The following LARGE1 variants were observed in gnomAD, a reference collection of about 807,000 sequenced individuals.
LARGE1 encodes the protein LARGE xylosyl- and glucuronyltransferase 1, also known as xylosyl- and glucuronyltransferase LARGE1.
Under a neutral mutation model 87.6 loss-of-function variants are expected in LARGE1, and 43 were observed. The ratio of observed to expected loss-of-function variants is 0.49; its 90% confidence interval spans 0.38 to 0.63. LARGE1 has a LOEUF of 0.63. Ranked by LOEUF, LARGE1 falls within the 30% of genes least tolerant of loss-of-function variation. LARGE1 has a pLI of 0.00. For synonymous variants in LARGE1, 434 were observed against 394.6 expected, an observed-to-expected ratio of 1.10 and a Z score of -1.18; for missense variants, 802 against 1,000.2, an observed-to-expected ratio of 0.80 and a Z score of 2.67.
At chr22:33,537,813 C>T (rs1267145101) in intron 6 of LARGE1, among the ~76,000 whole-genome samples, 1 of 152,082 alleles carries the variant, frequency 6.6e-6, no homozygotes, top group African/African-American at 2.4e-5. Flanking sequence ...CCTCGTGATC[C>T]ACCCGCCTCG....
intron 1 of LARGE1, among the ~76,000 whole-genome samples, chr22:33,780,988 A>G (rs1205632387): frequency 6.6e-6 from 1 of 152,264 alleles, no homozygotes; most frequent in Non-Finnish European, 1.5e-5. Flanking sequence ...GCGATAGCGC[A>G]CAAAGCTGCC....
chr22:33,119,243 G>T, the LARGE1 span, among the ~76,000 whole-genome samples: 1 of 152,190 alleles, frequency 6.6e-6, no homozygotes, highest in South Asian at 2.1e-4. Flanking sequence ...GTGAAGGAAG[G>T]TCCGTTATGA....
rs1483753195 is a variant in LARGE1 at position 33,484,910 on chromosome 22, GGTT to G, written c.788-52648_788-52646del. On this transcript the variant is annotated intron_variant, in intron 6 of 14. Transcript: ENST00000397394. ...ACTCACCCAAAGTAAATAATGAGGTGGTTTTTTTTTTTTTTTTTTGAGACAGAG... is the reference window on the plus strand; with the variant it reads ...ACTCACCCAAAGTAAATAATGAGGTGTTTTTTTTTTTTTTTTGAGACAGAG... Among the ~76,000 whole-genome samples, 439 of 145,578 alleles carry G rather than the reference GGTT, an allele frequency of 3.0e-3. 3 individuals carry two copies. Among genetic ancestry groups the G allele is most frequent in the South Asian group, 0.021 (98 of 4,732 alleles).
rs146331030 is a variant in LARGE1 at position 33,792,254 on chromosome 22, A to G, written c.-82-30696T>C. On this transcript the variant is annotated intron_variant, in intron 1 of 14. Coordinates refer to ENST00000397394, the MANE Select transcript of LARGE1 (RefSeq NM_133642.5). The stretch of plus-strand genomic sequence containing the variant: ...GGGAGGGACCTGTTAGGACGTAATC[A>G]AATCACAAGGGGTGGTTACCCCCAT... Among the ~76,000 whole-genome samples, 454 of 152,352 alleles carry G rather than the reference A, an allele frequency of 3.0e-3. 4 individuals are homozygous for G. Among genetic ancestry groups the G allele is most frequent in the African/African-American group, 0.01 (429 of 41,568 alleles).
In LARGE1 at chr22:33,505,151, G is replaced by A. The variant is rs144875702; in HGVS notation, c.787+59697C>T. Among the ~76,000 whole-genome samples, 22 of 152,352 alleles carry A rather than the reference G, an allele frequency of 1.4e-4. No homozygotes were observed. In the East Asian group the frequency reaches 4.1e-3, roughly 28 times the overall value. On this transcript the variant is annotated intron_variant, in intron 6 of 14. Coordinates refer to ENST00000397394, the MANE Select transcript of LARGE1 (RefSeq NM_133642.5). The stretch of plus-strand genomic sequence containing the variant: ...ACTGAACAGGCATGCAGCTTCAACA[G>A]CTTGTCTATCTACTGTCCTGTCCTC...
intron 1 of LARGE1, among the ~76,000 whole-genome samples, chr22:33,911,775 A>G (rs912958073): frequency 6.6e-6 from 1 of 152,232 alleles, no homozygotes; most frequent in African/African-American, 2.4e-5. Flanking sequence ...AAAGCCATCA[A>G]TGTTTGAACC....
intron 1 of LARGE1, among the ~76,000 whole-genome samples, chr22:33,910,148 A>C (rs537835775): frequency 1.3e-5 from 2 of 152,252 alleles, no homozygotes; most frequent in South Asian, 4.1e-4. Context: ...TTGTTGCTTA[A>C]CTTATGACAC....
At chr22:33,278,653 T>C (rs998380678) in intron 13 of LARGE1, among the ~76,000 whole-genome samples, 1 of 151,178 alleles carries the variant, frequency 6.6e-6, no homozygotes, top group African/African-American at 2.4e-5. Context: ...AGTGGTGGAG[T>C]TGTGATTCAA....
In LARGE1 at chr22:33,836,785, T is replaced by C. The variant is rs1010614987; in HGVS notation, c.-82-75227A>G. 8.0e-5 allele frequency among the ~76,000 whole-genome samples: 12 copies of C among 149,992 alleles called. 1 individual carries two copies. The highest frequency in any genetic ancestry group is 2.8e-4 in the African/African-American group (11 of 39,744). ...TGTAAAATAGGGATGGCCATCATTA[T>C]CTACCTTACTGGAAAAAAAAAAAAA... On this transcript the variant is annotated intron_variant, in intron 1 of 14. Coordinates refer to ENST00000397394, the MANE Select transcript of LARGE1 (RefSeq NM_133642.5).
chr22:33,302,271 G>A (rs1158953893), intron 12 of LARGE1, among the ~76,000 whole-genome samples: 1 of 152,240 alleles, frequency 6.6e-6, no homozygotes. Flanking sequence ...TGGGGCTGGA[G>A]GGAGTGCTCC....
At chr22:33,438,218 C>T (rs894510663) in intron 6 of LARGE1, among the ~76,000 whole-genome samples, 2 of 152,058 alleles carry the variant, frequency 1.3e-5, no homozygotes, top group East Asian at 3.9e-4. Context: ...AGCTTGCCAT[C>T]GTGTGAAGAG....
intron 12 of LARGE1, among the ~76,000 whole-genome samples, chr22:33,285,196 C>T (rs974159331): frequency 6.6e-6 from 1 of 152,176 alleles, no homozygotes; most frequent in South Asian, 2.1e-4. Context: ...GGACACTGAC[C>T]TTTGGGTCTC....
At chr22:33,161,490 A>G (rs1922022063), downstream of LARGE1, among the ~76,000 whole-genome samples, 1 of 152,336 alleles carries the variant, frequency 6.6e-6, no homozygotes, top group South Asian at 2.1e-4. Context: ...GAACTTGTAA[A>G]ATCAAAAGCA....
chr22:33,190,440 C>T (rs1923715909), intron 11 of LARGE1, among the ~76,000 whole-genome samples: 1 of 152,182 alleles, frequency 6.6e-6, no homozygotes, highest in Non-Finnish European at 1.5e-5. Flanking sequence ...GGTTCCTGCT[C>T]ATAGCCATCC....
At chr22:33,669,124 C>T (rs2081340247) in intron 2 of LARGE1, among the ~76,000 whole-genome samples, 1 of 152,234 alleles carries the variant, frequency 6.6e-6, no homozygotes, top group South Asian at 2.1e-4. Flanking sequence ...CAAAGGAGGA[C>T]TCAGAAGAGT....
At chr22:33,545,607 A>G (rs1382419689) in intron 6 of LARGE1, among the ~76,000 whole-genome samples, 3 of 152,068 alleles carry the variant, frequency 2.0e-5, no homozygotes, top group African/African-American at 7.2e-5. Flanking sequence ...ATGCCTGGCT[A>G]ATTGTATTTT....
At chr22:33,375,342 T>C (rs2064956968) in intron 9 of LARGE1, among the ~76,000 whole-genome samples, 1 of 152,170 alleles carries the variant, frequency 6.6e-6, no homozygotes, top group South Asian at 2.1e-4. Flanking sequence ...TTTTTTACGG[T>C]AATATGGTTA....
intron 6 of LARGE1, among the ~76,000 whole-genome samples, chr22:33,539,444 C>T (rs140827607): frequency 5.3e-5 from 8 of 152,170 alleles, no homozygotes; most frequent in Non-Finnish European, 8.8e-5. Context: ...GGGTAAATAA[C>T]TTGCTCAAAC....
chr22:33,072,123 T>C, the LARGE1 span, among the ~76,000 whole-genome samples: 17,975 of 152,150 alleles, frequency 0.12, 1,212 homozygotes, highest in African/African-American at 0.19. Context: ...TCCTCCCTCA[T>C]GTGACACCAT....
Sources: allele counts gnomAD v4.1 joint callset (sites outside exome capture counted in the v4.1 genomes callset), GRCh38; gene constraint gnomAD v4.1.1; transcripts MANE v1.5; gene names NCBI Gene and HGNC (gene_info 2026-07-23, HGNC 2026-07-21).